Variants in OR1D2 observed in about 807,000 individuals in gnomAD.
OR1D2 encodes olfactory receptor family 1 subfamily D member 2.
For synonymous variants in OR1D2, 157 were observed against 153.9 expected (o/e 1.02, Z -0.15); for missense variants, 357 against 376.1 (o/e 0.95, Z 0.42).
chr17:3,102,618 A>G (rs923667075), intron 1 of OR1D2, among the ~76,000 whole-genome samples: 4 of 152,180 alleles, frequency 2.6e-5, no homozygotes, highest in Non-Finnish European at 4.4e-5. Flanking sequence ...GAACTGACAC[A>G]TTGGGATTTG....
intron 1 of OR1D2, among the ~76,000 whole-genome samples, chr17:3,094,388 A>G (rs1456835040): frequency 6.6e-6 from 1 of 152,050 alleles, no homozygotes; most frequent in African/African-American, 2.4e-5. Flanking sequence ...AAAAGAAAAA[A>G]GAAACATGTA....
At chr17:3,098,619 C>A (rs2047859217) in intron 1 of OR1D2, among the ~76,000 whole-genome samples, 1 of 152,186 alleles carries the variant, frequency 6.6e-6, no homozygotes, top group African/African-American at 2.4e-5. Context: ...CGTGCTGCTG[C>A]TTCTCCAGAT....
chr17:3,098,769 C>CT (rs779650779), intron 1 of OR1D2, among the ~76,000 whole-genome samples: 3 of 152,060 alleles, frequency 2.0e-5, no homozygotes, highest in Non-Finnish European at 4.4e-5. Flanking sequence ...TGCAAAGAAG[C>CT]TAAGAACCTT....
chr17:3,099,385 G>A (rs1375329447), intron 1 of OR1D2, among the ~76,000 whole-genome samples: 1 of 152,028 alleles, frequency 6.6e-6, no homozygotes, highest in Non-Finnish European at 1.5e-5. Context: ...CATTCTGAAA[G>A]AAAAAAATTT....
intron 1 of OR1D2, among the ~76,000 whole-genome samples, chr17:3,101,316 T>C (rs1452062542): frequency 6.6e-6 from 1 of 152,174 alleles, no homozygotes; most frequent in Non-Finnish European, 1.5e-5. Context: ...TCAAAAAGCT[T>C]ATCCACCACG....
intron 1 of OR1D2, among the ~76,000 whole-genome samples, chr17:3,098,491 G>A (rs1188306498): frequency 6.6e-6 from 1 of 152,068 alleles, no homozygotes; most frequent in Non-Finnish European, 1.5e-5. Flanking sequence ...CAGCAAAAAA[G>A]TCCTCACAAA....
intron 1 of OR1D2, among the ~76,000 whole-genome samples, chr17:3,101,728 T>C (rs917985649): frequency 6.6e-6 from 1 of 152,198 alleles, no homozygotes; most frequent in Non-Finnish European, 1.5e-5. Flanking sequence ...GGAAGTCGAA[T>C]TGTCTGTTTG....
chr17:3,098,713 G>A (rs1326376946), intron 1 of OR1D2, among the ~76,000 whole-genome samples: 2 of 152,060 alleles, frequency 1.3e-5, no homozygotes, highest in Non-Finnish European at 2.9e-5. Context: ...TCAGAAGATG[G>A]GTAATAACAA....
At chr17:3,103,829 G>A (rs1384827430) in intron 1 of OR1D2, among the ~76,000 whole-genome samples, 1 of 152,074 alleles carries the variant, frequency 6.6e-6, no homozygotes, top group Non-Finnish European at 1.5e-5. Context: ...CCCACGACCT[G>A]CCTAAATCCC....
At chr17:3,101,116 C>T (rs1002312546) in intron 1 of OR1D2, among the ~76,000 whole-genome samples, 1 of 152,136 alleles carries the variant, frequency 6.6e-6, no homozygotes, top group Non-Finnish European at 1.5e-5. Flanking sequence ...GGTACCACTC[C>T]TTCTGAAACT....
chr17:3,101,529 A>G (rs56045320), intron 1 of OR1D2, among the ~76,000 whole-genome samples: 9,644 of 152,296 alleles, frequency 0.063, 418 homozygotes, highest in Admixed American at 0.16. Context: ...ATCTCAAAAT[A>G]AGAGCTATTT....
intron 1 of OR1D2, among the ~76,000 whole-genome samples, chr17:3,095,631 A>AAT (rs962922352): frequency 6.6e-6 from 1 of 151,320 alleles, no homozygotes; most frequent in African/African-American, 2.4e-5. Flanking sequence ...TAAATATGTA[A>AAT]ATATATATTG....
At chr17:3,097,071 T>G (rs1241059888) in intron 1 of OR1D2, among the ~76,000 whole-genome samples, 1 of 152,180 alleles carries the variant, frequency 6.6e-6, no homozygotes, top group Non-Finnish European at 1.5e-5. Flanking sequence ...TTGAAAAACA[T>G]GTTTCATTTC....
In OR1D2 at chr17:3,103,480, C is replaced by T. The variant is rs571678996; in HGVS notation, c.-51+619G>A. On this transcript the variant is annotated intron_variant, in intron 1 of 1. Coordinates refer to ENST00000641833, the MANE Select transcript of OR1D2 (RefSeq NM_002548.3). The stretch of plus-strand genomic sequence containing the variant: ...TGCATCACGATCACCTGTGATGCTT[C>T]ATAACAAAAAGCTGACTTTCTGACT... Among the ~76,000 whole-genome samples, 17 of 152,314 alleles carry T rather than the reference C, an allele frequency of 1.1e-4. No homozygotes were observed. In the South Asian group the frequency reaches 2.5e-3, roughly 22 times the overall value.
At chr17:3,098,550 C>T (rs1597255517) in intron 1 of OR1D2, among the ~76,000 whole-genome samples, 2 of 152,136 alleles carry the variant, frequency 1.3e-5, no homozygotes, top group African/African-American at 4.8e-5. Flanking sequence ...TAGACAAACT[C>T]ATGAAGATGA....
chr17:3,099,734 G>T (rs1454236145), intron 1 of OR1D2, among the ~76,000 whole-genome samples: 1 of 152,098 alleles, frequency 6.6e-6, no homozygotes, highest in African/African-American at 2.4e-5. Flanking sequence ...TGGCCAATTT[G>T]GATAAAGAGT....
At chr17:3,093,362 T>C (rs11078437) in intron 1 of OR1D2, among the ~76,000 whole-genome samples, 10,423 of 152,202 alleles carry the variant, frequency 0.068, 444 homozygotes, top group Admixed American at 0.11. Context: ...AGGAAGAAAA[T>C]AAAAGTATTT....
chr17:3,094,715 C>G (rs1273075892), intron 1 of OR1D2, among the ~76,000 whole-genome samples: 1 of 152,020 alleles, frequency 6.6e-6, no homozygotes, highest in Non-Finnish European at 1.5e-5. Flanking sequence ...GAAAAGACCT[C>G]AAAGTAGCCA....
In OR1D2 at chr17:3,091,071, A is replaced by G. The variant is rs145090035; in HGVS notation, c.*987T>C. On this transcript the variant is annotated 3_prime_UTR_variant, in exon 2 of 2. Transcript: ENST00000641833. ...GTAATGTGACAGAGTTTTTTCTACA[A>G]TGTTCAATATGGTGTTTTTTCTACT... The G allele has an allele frequency of 8.5e-5, 13 of 152,190 alleles. No homozygotes were observed. In the East Asian group the frequency reaches 1.7e-3, roughly 20 times the overall value. The allele number at this position is 152,190 out of a possible 1,614,324, so 9.4% of individuals were successfully genotyped here. A position where few individuals can be genotyped will look rare whatever the true frequency, so the allele number is the denominator to read the frequency against.
Sources: gnomAD v4.1 joint callset for allele counts (sites outside exome capture counted in the v4.1 genomes callset) on GRCh38, gnomAD v4.1.1 for gene constraint, MANE v1.5 for transcripts, NCBI Gene and HGNC (gene_info 2026-07-23, HGNC 2026-07-21) for gene names.